GALNT17: variants seen among roughly 807,000 people sequenced by gnomAD.
GALNT17 encodes the protein polypeptide N-acetylgalactosaminyltransferase 17, also known as UDP-GalNAc:polypeptide N-acetylgalactosaminyltransferase-like 3.
GALNT17 carries 29 observed loss-of-function variants against 63.7 expected under a neutral mutation model. The ratio of observed to expected loss-of-function variants is 0.46; its 90% CI spans 0.34 to 0.62. The LOEUF is 0.62. Ranked by LOEUF, GALNT17 falls within the 20% of genes least tolerant of loss-of-function variation. The probability of loss-of-function intolerance (pLI) is 0.01; values close to 1 mark genes in which losing one functional copy is unlikely to be tolerated. For missense variants in GALNT17, 603 were observed against 799.6 expected (o/e 0.75, Z 2.97); for synonymous variants, 305 against 318.3 (o/e 0.96, Z 0.45).
chr7:71,283,155 C>A (rs901477504), intron 1 of GALNT17, among the ~76,000 whole-genome samples: 1 of 151,854 alleles, frequency 6.6e-6, no homozygotes, highest in East Asian at 1.9e-4. Context: ...CCTCAGCCCC[C>A]CCCAAGTAGC....
At chr7:71,572,313 G>A (rs948271089) in intron 6 of GALNT17, among the ~76,000 whole-genome samples, 1 of 151,200 alleles carries the variant, frequency 6.6e-6, no homozygotes, top group Non-Finnish European at 1.5e-5. Flanking sequence ...ACCAGCCTGG[G>A]TGACATAACA....
intron 5 of GALNT17, among the ~76,000 whole-genome samples, chr7:71,435,453 G>A (rs1786941333): frequency 6.6e-6 from 1 of 152,098 alleles, no homozygotes; most frequent in Non-Finnish European, 1.5e-5. Context: ...TAGAAATTAT[G>A]GTTTAGGAGT....
At chr7:71,455,974 G>GTCTGTGGCTCACGTCTGTAATTAGACT (rs1563106217) in intron 5 of GALNT17, among the ~76,000 whole-genome samples, 6 of 152,150 alleles carry the variant, frequency 3.9e-5, no homozygotes, top group African/African-American at 1.4e-4. Flanking sequence ...GGCCGGGGAC[G>GTCTGTGGCTCACGTCTGTAATTAGACT]GTGGCTCACG....
intron 5 of GALNT17, among the ~76,000 whole-genome samples, chr7:71,480,468 C>G (rs571807525): frequency 6.6e-6 from 1 of 152,042 alleles, no homozygotes; most frequent in Non-Finnish European, 1.5e-5. Context: ...TGCAATGCCT[C>G]GAACAGCCAG....
intron 1 of GALNT17, among the ~76,000 whole-genome samples, chr7:71,273,167 C>T (rs569540463): frequency 6.2e-4 from 95 of 152,116 alleles, no homozygotes; most frequent in African/African-American, 1.7e-3. Context: ...ACTGCATGTT[C>T]TTTTGTGATT....
chr7:71,214,580 T>A (rs1170217534), intron 1 of GALNT17, among the ~76,000 whole-genome samples: 1 of 47,048 alleles, frequency 2.1e-5, no homozygotes, highest in Non-Finnish European at 4.7e-5. Context: ...TTGATTTGGC[T>A]TTTTTTTTTT....
At chr7:71,482,872 A>G (rs971186344) in intron 5 of GALNT17, among the ~76,000 whole-genome samples, 1 of 152,286 alleles carries the variant, frequency 6.6e-6, no homozygotes, top group East Asian at 1.9e-4. Flanking sequence ...GATCCTGCAC[A>G]TGCGTAGTTC....
chr7:71,640,363 A>AG (rs1357098775), intron 6 of GALNT17, among the ~76,000 whole-genome samples: 1 of 152,082 alleles, frequency 6.6e-6, no homozygotes, highest in South Asian at 2.1e-4. Context: ...GCTCCACACC[A>AG]GGGGCTCTTG....
intron 2 of GALNT17, among the ~76,000 whole-genome samples, chr7:71,376,178 T>C (rs1236642271): frequency 2.0e-5 from 3 of 152,150 alleles, no homozygotes; most frequent in African/African-American, 7.2e-5. Context: ...CTAATTTGCA[T>C]TATTTCCTGA....
chr7:71,702,757 G>T (rs2117118289), intron 9 of GALNT17, among the ~76,000 whole-genome samples: 1 of 152,304 alleles, frequency 6.6e-6, no homozygotes, highest in East Asian at 1.9e-4. Context: ...TTAGAACAGG[G>T]AGGTAGCTGT....
chr7:71,700,498 A>T (rs890065032), intron 9 of GALNT17, among the ~76,000 whole-genome samples: 1 of 152,070 alleles, frequency 6.6e-6, no homozygotes, highest in African/African-American at 2.4e-5. Context: ...TTGATGAGAA[A>T]GCCCCGATTC....
chr7:71,572,992 T>TTTTA (rs1427357699), intron 6 of GALNT17, among the ~76,000 whole-genome samples: 4 of 151,966 alleles, frequency 2.6e-5, no homozygotes, highest in Non-Finnish European at 1.5e-5. Context: ...TTTTTTGTTT[T>TTTTA]TTTATTTATT....
rs1170445668 is a variant in GALNT17, at chr7:71,268,658, G to A, written c.239-66892G>A. ...GCCTCTCCTTCACTGGCTGGGTGCT[G>A]GCTGAACTGTGGCACTCATAGGTCC... On this transcript the variant is annotated intron_variant, in intron 1 of 10. Transcript: ENST00000333538. 3.9e-5 allele frequency among the ~76,000 whole-genome samples: 6 copies of A among 152,284 alleles called. No homozygotes were observed. The East Asian group carries it at 5.8e-4, about 15-fold the overall frequency.
chr7:71,543,230 G>C (rs1489707422), intron 5 of GALNT17, among the ~76,000 whole-genome samples: 1 of 152,072 alleles, frequency 6.6e-6, no homozygotes, highest in Admixed American at 6.6e-5. Context: ...AAAATATGTA[G>C]GAAATGAATA....
chr7:71,333,789 C>A (rs1791849238), intron 1 of GALNT17, among the ~76,000 whole-genome samples: 1 of 152,158 alleles, frequency 6.6e-6, no homozygotes, highest in Non-Finnish European at 1.5e-5. Flanking sequence ...CTGTGCCCAG[C>A]CTATATTAAG....
intron 1 of GALNT17, 138 bp from the exon 2 acceptor site, chr7:71,335,412 T>A: frequency 1.2e-6 from 1 of 859,596 alleles, no homozygotes; most frequent in Non-Finnish European, 1.7e-6. Context: ...GGCCTATACC[T>A]GAGTTGGATA....
At chr7:71,395,352 C>A (rs1793119558) in intron 3 of GALNT17, among the ~76,000 whole-genome samples, 3 of 152,120 alleles carry the variant, frequency 2.0e-5, no homozygotes. Context: ...GCCTTTTTTC[C>A]TGGCTTCTTT....
At chr7:71,605,571 T>A in intron 6 of GALNT17, among the ~76,000 whole-genome samples, 2 of 140,480 alleles carry the variant, frequency 1.4e-5, no homozygotes, top group African/African-American at 2.8e-5. Context: ...GGCGACAGAG[T>A]GAGACTCCAT....
chr7:71,547,353 G>A (rs1019986879), intron 5 of GALNT17, among the ~76,000 whole-genome samples: 6 of 151,880 alleles, frequency 4.0e-5, no homozygotes, highest in African/African-American at 1.2e-4. Context: ...TAATTGAGAC[G>A]GGGTTTCACC....
Sources: gnomAD v4.1 joint callset for allele counts (sites outside exome capture counted in the v4.1 genomes callset) on GRCh38, gnomAD v4.1.1 for gene constraint, MANE v1.5 for transcripts, NCBI Gene and HGNC (gene_info 2026-07-23, HGNC 2026-07-21) for gene names.